The following SLC66A2 variants were observed in gnomAD, a reference collection of about 807,000 sequenced individuals.
SLC66A2 encodes the protein PQ loop repeat containing 1.
SLC66A2 carries 23 observed loss-of-function variants against 25.5 expected under a neutral mutation model. The ratio of observed to expected loss-of-function variants is 0.90; its 90% CI spans 0.65 to 1.28. The LOEUF (loss-of-function observed/expected upper bound fraction) is 1.28. Among genes scored for constraint, SLC66A2 ranks in the 50% most tolerant of loss-of-function variants. The probability of loss-of-function intolerance (pLI) is 0.00; values close to 1 mark genes in which losing one functional copy is unlikely to be tolerated. For missense variants in SLC66A2, 396 were observed against 373.1 expected (o/e 1.06, Z -0.51); for synonymous variants, 193 against 166.5 (o/e 1.16, Z -1.23).
At position 79,919,227 on chromosome 18, in the gene SLC66A2, G is replaced by A. The variant is rs763315416; in HGVS notation, c.565C>T (p.Gln189Ter). Residue 189 changes from glutamine to a stop codon, truncating the protein, a stop_gained, in exon 5 of 6, where the codon CAG becomes TAG. Transcript: ENST00000397778. LOFTEE classifies it high-confidence loss of function. The part of the protein sequence containing the change: ...VLTEAMLGVP[Q>*]LYRNHRHQST... ...TGGTGGCGGTGGTTGCGGTAAAGCT[G>A]GGGCACACCCAGCATGGCTTCGGTC... The A allele has an allele frequency of 4.3e-6, 7 of 1,613,150 alleles. No individual in the cohort carries two copies. Among genetic ancestry groups the A allele is most frequent in the South Asian group, 2.2e-5 (2 of 91,086 alleles).
At position 79,904,038 on chromosome 18, in the gene SLC66A2, C is replaced by T. The variant is rs371850458; in HGVS notation, c.754G>A (p.Ala252Thr). ...LAILGQAYAF[A>T]RHPQKPAPHA... ...GGCGCCGGCTTCTGGGGGTGGCGGG[C>T]GAAGGCGTAGGCCTGCCCCAGGATG... The change falls in exon 6 of 6, where the codon GCC becomes ACC. Residue 252 changes from alanine to threonine, a missense_variant. Physicochemically the swap from Ala to Thr is moderately conservative, Grantham distance 58 (BLOSUM62 0). Coordinates refer to ENST00000397778, the MANE Select transcript of SLC66A2 (RefSeq NM_025078.5). The surrounding 1 kb of genome is among the most constrained non-coding windows in gnomAD (Gnocchi z 6.3). 4.0e-5 allele frequency: 65 copies of T among 1,605,176 alleles called. No homozygotes were observed. Among genetic ancestry groups the T allele is most frequent in the Non-Finnish European group, 5.1e-5 (60 of 1,176,774 alleles).
In SLC66A2 at chr18:79,943,354, G is replaced by A. The variant is rs1987867316; in HGVS notation, c.312C>T (p.Leu104=). 1 of 1,614,162 alleles carries A rather than the reference G, an allele frequency of 6.2e-7. No individual in the cohort carries two copies. ...CTGTAAAGGAGCGGCGCCTGGCGTT[G>A]AGCTCGTTGGCCACACGGACCTCGG... ...LCTEVRVANE[L]NARRRSFTAA... Residue 104 remains leucine, a synonymous_variant, in exon 3 of 6, where the codon CTC becomes CTT. Transcript: ENST00000397778.
chr18:79,910,270 G>T (rs1476810114), intron 5 of SLC66A2, among the ~76,000 whole-genome samples: 1 of 114,588 alleles, frequency 8.7e-6, no homozygotes, highest in Non-Finnish European at 1.7e-5. Context: ...TCTCACACCA[G>T]AGTCCCCAAC....
intron 2 of SLC66A2, chr18:79,944,514 G>C (rs927475345): frequency 1.3e-5 from 2 of 152,400 alleles, no homozygotes; most frequent in African/African-American, 4.8e-5. Flanking sequence ...ATGACTGGCA[G>C]TCTCTGCCTC....
In SLC66A2 at chr18:79,904,321, TCGG is replaced by T. The variant is rs1981708073; in HGVS notation, c.609-141_609-139del. On this transcript the variant is annotated intron_variant, in intron 5 of 5. Transcript: ENST00000397778. The surrounding 1 kb of genome is among the most constrained non-coding windows in gnomAD (Gnocchi z 6.3). Reference sequence around the variant, plus strand: ...GGGGGCTAAGGGGACCCCCAGGCAGTCGGCGGGGAGGCCTGGGGCTCAGGGGGC... The same window carrying T: ...GGGGGCTAAGGGGACCCCCAGGCAGTCGGGGAGGCCTGGGGCTCAGGGGGC... The T allele has an allele frequency of 2.7e-6, 2 of 748,552 alleles. No homozygotes were observed. Among genetic ancestry groups the T allele is most frequent in the African/African-American group, 1.8e-5 (1 of 54,528 alleles). The allele number at this position is 748,552 out of a possible 1,614,324, so 46.4% of individuals were successfully genotyped here.
At position 79,951,391 on chromosome 18, in the gene SLC66A2, G is replaced by A. The variant is rs1214208707; in HGVS notation, c.-100+190C>T. The stretch of plus-strand genomic sequence containing the variant: ...GAGGGTCACAGGGCCTAGCATGGGG[G>A]CGCACGGCTCGGGGGAAGGGGGCGC... On this transcript the variant is annotated intron_variant, in intron 1 of 5. Transcript: ENST00000397778. Among the ~76,000 whole-genome samples, 153 of 149,290 alleles carry A rather than the reference G, an allele frequency of 1.0e-3. 1 individual carries two copies. The highest frequency in any genetic ancestry group is 1.6e-3 in the Non-Finnish European group (108 of 66,872).
At chr18:79,930,765 A>T (rs981278320) in intron 4 of SLC66A2, among the ~76,000 whole-genome samples, 2 of 152,186 alleles carry the variant, frequency 1.3e-5, no homozygotes, top group African/African-American at 4.8e-5. Flanking sequence ...AATGAAAGGA[A>T]CCACAAATGG....
At chr18:79,916,582 G>A (rs1050911586) in intron 5 of SLC66A2, among the ~76,000 whole-genome samples, 1 of 152,242 alleles carries the variant, frequency 6.6e-6, no homozygotes. Flanking sequence ...CCTATCCAAT[G>A]AGGTCTCCCA....
chr18:79,933,924 A>G, intron 4 of SLC66A2, 45 bp downstream of exon 4: 1 of 1,557,240 alleles, frequency 6.4e-7, no homozygotes, highest in South Asian at 1.2e-5. Context: ...GCAGGAATGA[A>G]GCAAAAGGAA....
Position 79,937,247 on chromosome 18 carries a change from A to T in SLC66A2, c.338-3225T>A, listed in dbSNP as rs889580657. 6.6e-6 allele frequency among the ~76,000 whole-genome samples: 1 copy of T among 152,198 alleles called. No individual in the cohort carries two copies. The highest frequency in any genetic ancestry group is 6.5e-5 in the Admixed American group (1 of 15,276). ...CGACGGATTCTAGGTCTGGGGCAGG[A>T]GATGTAGCCGCCACACGAGCACCCT... On this transcript the variant is annotated intron_variant, in intron 3 of 5. Transcript: ENST00000397778. The surrounding 1 kb of genome is among the most constrained non-coding windows in gnomAD (Gnocchi z 5.4).
At chr18:79,939,812 T>G (rs1361721070) in intron 3 of SLC66A2, among the ~76,000 whole-genome samples, 1 of 152,174 alleles carries the variant, frequency 6.6e-6, no homozygotes, top group South Asian at 2.1e-4. Flanking sequence ...CAGAAGATGG[T>G]GTGGTGATTC....
rs763044428 is a variant in SLC66A2 at position 79,950,729 on chromosome 18, G to A, written c.198C>T (p.Leu66=). 4.3e-6 allele frequency: 7 copies of A among 1,612,982 alleles called. No individual in the cohort carries two copies. In the African/African-American group the frequency reaches 8.0e-5, roughly 18 times the overall value. ...VLLVANILRI[L]FWFGRRFESP... Reference sequence around the variant, plus strand: ...AAAGCAAGCCCCCAACTTACCAGAAGAGTATCCGCAAAATGTTGGCCACCA... The same window carrying A: ...AAAGCAAGCCCCCAACTTACCAGAAAAGTATCCGCAAAATGTTGGCCACCA... Residue 66 remains leucine, a synonymous_variant, in exon 2 of 6, where the codon CTC becomes CTT. Transcript: ENST00000397778.
intron 4 of SLC66A2, among the ~76,000 whole-genome samples, chr18:79,930,066 C>T (rs1986407026): frequency 6.6e-6 from 1 of 151,944 alleles, no homozygotes; most frequent in South Asian, 2.1e-4. Context: ...TGAAAACTTC[C>T]CAAATATGAT....
intron 3 of SLC66A2, 52 bp from the exon 4 acceptor site, chr18:79,934,074 T>C: frequency 6.8e-7 from 1 of 1,462,054 alleles, no homozygotes; most frequent in Non-Finnish European, 9.5e-7. Flanking sequence ...GACAGAAACA[T>C]ACTGGTTTTA....
chr18:79,927,890 A>G lies in SLC66A2; in HGVS notation c.391+6079T>C, dbSNP rs1986156788. Among the ~76,000 whole-genome samples the G allele has an allele frequency of 6.6e-6, 1 of 152,248 alleles. No homozygotes were observed. Among genetic ancestry groups the G allele is most frequent in the South Asian group, 2.1e-4 (1 of 4,834 alleles). ...GCACTGCCCTAACAGCTGCTGAGACACATTCCTGCAGCCGCCTCAGCTAGA... is the reference window on the plus strand; with the variant it reads ...GCACTGCCCTAACAGCTGCTGAGACGCATTCCTGCAGCCGCCTCAGCTAGA... On this transcript the variant is annotated intron_variant, in intron 4 of 5. Coordinates refer to ENST00000397778, the MANE Select transcript of SLC66A2 (RefSeq NM_025078.5). This position sits in a 1 kb window ranked among gnomAD's most constrained non-coding sequence, Gnocchi z 6.2.
chr18:79,910,665 A>T (rs1982976634), intron 5 of SLC66A2, among the ~76,000 whole-genome samples: 1 of 152,246 alleles, frequency 6.6e-6, no homozygotes, highest in Non-Finnish European at 1.5e-5. Context: ...AATCCTATAT[A>T]AAGGACCAAA....
rs184645187 is a variant in SLC66A2, at chr18:79,914,794, G to A, written c.608+4390C>T. On this transcript the variant is annotated intron_variant, in intron 5 of 5. Coordinates refer to ENST00000397778, the MANE Select transcript of SLC66A2 (RefSeq NM_025078.5). ...GAGCTTCAGACGCGCAAGTGGAGCC[G>A]GCTCCAGACTCAGCCCTGCCCAGAG... Among the ~76,000 whole-genome samples the A allele has an allele frequency of 2.6e-3, 390 of 152,308 alleles. 2 individuals are homozygous for A. The highest frequency in any genetic ancestry group is 8.9e-3 in the African/African-American group (371 of 41,554).
chr18:79,925,238 C>T (rs1288114527), intron 4 of SLC66A2, among the ~76,000 whole-genome samples: 2 of 152,132 alleles, frequency 1.3e-5, no homozygotes, highest in Non-Finnish European at 2.9e-5. Context: ...GCCAGGCCCC[C>T]GCACTGCTGA....
Position 79,927,558 on chromosome 18 carries a change from C to A in SLC66A2, c.391+6411G>T, listed in dbSNP as rs943314990. 6.6e-6 allele frequency among the ~76,000 whole-genome samples: 1 copy of A among 152,212 alleles called. No homozygotes were observed. The highest frequency in any genetic ancestry group is 1.5e-5 in the Non-Finnish European group (1 of 68,034). On this transcript the variant is annotated intron_variant, in intron 4 of 5. Coordinates refer to ENST00000397778, the MANE Select transcript of SLC66A2 (RefSeq NM_025078.5). This position sits in a 1 kb window ranked among gnomAD's most constrained non-coding sequence, Gnocchi z 6.2. ...CTCGCTGACCCCTCTAATCCTGCCA[C>A]CTGTGCAGCAGGCGGCAACAGGGAC...
Sources: gnomAD v4.1 joint callset for allele counts (sites outside exome capture counted in the v4.1 genomes callset) on GRCh38, gnomAD v4.1.1 for gene constraint, Gnocchi (gnomAD v3.1) non-coding constraint, MANE v1.5 for transcripts, NCBI Gene and HGNC (gene_info 2026-07-23, HGNC 2026-07-21) for gene names.